Variants in DGKI observed in about 807,000 individuals in gnomAD.
DGKI encodes the protein diacylglycerol kinase iota.
In DGKI, 55 loss-of-function variants were observed where a neutral mutation model predicts 147.5. That is an observed-to-expected ratio of 0.37 (90% CI 0.30 to 0.47). The LOEUF is 0.47. Among genes scored for constraint, DGKI ranks in the 20% least tolerant of loss-of-function variants. DGKI has a pLI of 1.00. For synonymous variants in DGKI, 469 were observed against 477.1 expected, an observed-to-expected ratio of 0.98 and a Z score of 0.22; for missense variants, 1,007 against 1,323.8, an observed-to-expected ratio of 0.76 and a Z score of 3.71.
intron 27 of DGKI, among the ~76,000 whole-genome samples, chr7:137,450,505 G>T (rs570449679): frequency 6.6e-6 from 1 of 152,124 alleles, no homozygotes; most frequent in Admixed American, 6.5e-5. Flanking sequence ...GATCACCTGA[G>T]ATCAGGAGTT....
At chr7:137,778,087 G>A (rs912683233) in intron 1 of DGKI, among the ~76,000 whole-genome samples, 2 of 152,140 alleles carry the variant, frequency 1.3e-5, no homozygotes, top group African/African-American at 4.8e-5. Context: ...GATGAGTTTT[G>A]TGATACTAAA....
chr7:137,474,824 A>G (rs1815112077), intron 23 of DGKI, among the ~76,000 whole-genome samples: 1 of 152,204 alleles, frequency 6.6e-6, no homozygotes, highest in South Asian at 2.1e-4. Context: ...GAAGCACACC[A>G]GCTTTGAGAG....
chr7:137,627,896 T>C (rs759292777), intron 6 of DGKI, among the ~76,000 whole-genome samples: 2 of 152,212 alleles, frequency 1.3e-5, no homozygotes, highest in Non-Finnish European at 2.9e-5. Context: ...ACTTCCTCTT[T>C]CATGAGAAAA....
intron 20 of DGKI, among the ~76,000 whole-genome samples, chr7:137,530,240 C>T (rs376580579): frequency 1.4e-4 from 22 of 152,290 alleles, no homozygotes; most frequent in Non-Finnish European, 2.4e-4. Context: ...CTGTGGTTAA[C>T]TCCCTGCTGC....
At chr7:137,574,386 T>C (rs551441470) in intron 17 of DGKI, among the ~76,000 whole-genome samples, 4 of 152,288 alleles carry the variant, frequency 2.6e-5, no homozygotes, top group African/African-American at 7.2e-5. Flanking sequence ...AAAGTAGACA[T>C]TGTAAATGTC....
chr7:137,400,442 T>C (rs1562995386), intron 30 of DGKI, among the ~76,000 whole-genome samples: 1 of 152,174 alleles, frequency 6.6e-6, no homozygotes. Flanking sequence ...CCACGGTGAG[T>C]CCACAGTTAT....
intron 19 of DGKI, among the ~76,000 whole-genome samples, chr7:137,564,060 G>A (rs993100402): frequency 6.6e-6 from 1 of 152,134 alleles, no homozygotes; most frequent in Non-Finnish European, 1.5e-5. Flanking sequence ...TATTGGCAAT[G>A]AGGATAAACA....
At chr7:137,518,779 G>A (rs1195911654) in intron 21 of DGKI, among the ~76,000 whole-genome samples, 1 of 152,006 alleles carries the variant, frequency 6.6e-6, no homozygotes, top group African/African-American at 2.4e-5. Flanking sequence ...TATATCATGT[G>A]TCAGTGAATC....
At chr7:137,498,321 G>A (rs1316167489) in intron 21 of DGKI, among the ~76,000 whole-genome samples, 1 of 151,402 alleles carries the variant, frequency 6.6e-6, no homozygotes, top group Non-Finnish European at 1.5e-5. Flanking sequence ...AATAAGAGGA[G>A]TTTCAAAAAA....
intron 19 of DGKI, among the ~76,000 whole-genome samples, chr7:137,564,067 A>ATTG (rs1818503698): frequency 6.6e-6 from 1 of 152,182 alleles, no homozygotes; most frequent in Non-Finnish European, 1.5e-5. Context: ...AATGAGGATA[A>ATTG]ACAAATCAAT....
chr7:137,687,791 C>T (rs914331421), intron 2 of DGKI, among the ~76,000 whole-genome samples: 1 of 152,112 alleles, frequency 6.6e-6, no homozygotes, highest in Non-Finnish European at 1.5e-5. Context: ...GAAGGGCTTT[C>T]GGTTTTCCCA....
chr7:137,624,036 G>T (rs1157925932), intron 6 of DGKI, among the ~76,000 whole-genome samples: 1 of 151,654 alleles, frequency 6.6e-6, no homozygotes, highest in Non-Finnish European at 1.5e-5. Context: ...GAAGTCCAAC[G>T]GTGTAGTAGT....
rs116204619 is a variant in DGKI at position 137,548,507 on chromosome 7, C to T, written c.2147+3862G>A. Among the ~76,000 whole-genome samples, 1,090 of 151,072 alleles carry T rather than the reference C, an allele frequency of 7.2e-3. 10 individuals are homozygous for T. The highest frequency in any genetic ancestry group is 0.021 in the Middle Eastern group (6 of 290). ...TTGTTTAAATGAGTATGGTGCCTCC[C>T]CCGTCTCTCTTGCTCTCTCTCCCAC... On this transcript the variant is annotated intron_variant, in intron 20 of 32. Transcript: ENST00000614521.
intron 27 of DGKI, among the ~76,000 whole-genome samples, chr7:137,450,288 C>T (rs555010841): frequency 6.6e-6 from 1 of 152,276 alleles, no homozygotes; most frequent in Admixed American, 6.5e-5. Flanking sequence ...ATGCTAAGTG[C>T]TCTCACAATA....
At position 137,545,864 on chromosome 7, in the gene DGKI, G is replaced by C. The variant is rs541486526; in HGVS notation, c.2147+6505C>G. The C allele has an allele frequency of 3.4e-4, 234 of 696,696 alleles. 3 individuals carry two copies. The South Asian group carries it at 3.4e-3, about 10-fold the overall frequency. 43.2% of individuals were successfully genotyped at this position (696,696 alleles called of 1,614,324 possible). On this transcript the variant is annotated intron_variant, in intron 20 of 32. Transcript: ENST00000614521. ...TCCAACCCTGAGGAGACGAGGCTGG[G>C]GAGAAAATGTAGAAACAGAATGGCA...
At chr7:137,479,310 T>C (rs1585155229) in intron 23 of DGKI, among the ~76,000 whole-genome samples, 1 of 152,176 alleles carries the variant, frequency 6.6e-6, no homozygotes, top group South Asian at 2.1e-4. Context: ...AAACTGCTCA[T>C]TTCAAAAATC....
At chr7:137,411,550 T>A (rs1812163996) in intron 29 of DGKI, among the ~76,000 whole-genome samples, 1 of 151,884 alleles carries the variant, frequency 6.6e-6, no homozygotes, top group Non-Finnish European at 1.5e-5. Flanking sequence ...ACAGAGAGAA[T>A]CAAATAATTA....
chr7:137,699,171 T>C (rs998046012), intron 1 of DGKI, among the ~76,000 whole-genome samples: 1 of 152,144 alleles, frequency 6.6e-6, no homozygotes, highest in Non-Finnish European at 1.5e-5. Flanking sequence ...AAGAGGCAAA[T>C]GTGCTTGCTT....
At position 137,391,231 on chromosome 7, in the gene DGKI, T is replaced by G; in HGVS notation, c.3163A>C (p.Thr1055Pro). 6.2e-7 allele frequency: 1 copy of G among 1,613,752 alleles called. No homozygotes were observed. Among genetic ancestry groups the G allele is most frequent in the Non-Finnish European group, 8.5e-7 (1 of 1,179,800 alleles). The part of the protein sequence containing the change: ...YKVIGHEDLE[T>P]AV ...CCCGAATACCAGGGTCAAACAGCAG[T>G]TTCCAGGTCCTCATGGCCAATGACC... The change falls in exon 33 of 33, where the codon ACT (threonine) becomes CCT (proline). Residue 1055 changes from threonine to proline, a missense_variant. By Grantham distance (38) the Thr-to-Pro change is conservative. This residue lies in a region of DGKI where 385 missense variants were observed against 445.2 expected (regional missense o/e 0.86). Transcript: ENST00000614521.
Sources: gnomAD v4.1 joint callset for allele counts (sites outside exome capture counted in the v4.1 genomes callset) on GRCh38, gnomAD v4.1.1 for gene constraint, gnomAD v4.1.1 regional missense constraint, MANE v1.5 for transcripts, NCBI Gene and HGNC (gene_info 2026-07-23, HGNC 2026-07-21) for gene names.